Variants in DNAH5 observed in about 807,000 individuals in gnomAD.
DNAH5 encodes the protein axonemal beta dynein heavy chain 5.
Under a neutral mutation model 518.2 loss-of-function variants are expected in DNAH5, and 372 were observed. The observed-to-expected ratio is 0.72, with a 90% CI of 0.66 to 0.78. The LOEUF (loss-of-function observed/expected upper bound fraction) is 0.78. DNAH5 is among the 30% of genes least tolerant of loss of function. The pLI, the probability that DNAH5 is intolerant of heterozygous loss-of-function variation, is 0.00. For missense variants in DNAH5, 5,523 were observed against 5,687.0 expected (o/e 0.97, Z 0.93); for synonymous variants, 2,039 against 2,025.9 (o/e 1.01, Z -0.17).
chr5:13,976,183 T>C (rs1472199130), intron 1 of DNAH5, among the ~76,000 whole-genome samples: 1 of 152,120 alleles, frequency 6.6e-6, no homozygotes, highest in Non-Finnish European at 1.5e-5. Flanking sequence ...AAATAATTCT[T>C]TGTGCAAGAA....
chr5:13,719,620 T>G (rs541194374), intron 71 of DNAH5, among the ~76,000 whole-genome samples: 1 of 152,318 alleles, frequency 6.6e-6, no homozygotes, highest in African/African-American at 2.4e-5. Context: ...TCTGCCTGCC[T>G]TAATGAAAAA....
intron 53 of DNAH5, 102 bp downstream of exon 53, chr5:13,780,727 G>T: frequency 7.6e-7 from 1 of 1,307,502 alleles, no homozygotes; most frequent in Non-Finnish European, 1.1e-6. Context: ...GAAAATGACT[G>T]TGACTCTTTA....
At chr5:13,715,617 T>C (rs1561098891) in intron 74 of DNAH5, among the ~76,000 whole-genome samples, 1 of 152,210 alleles carries the variant, frequency 6.6e-6, no homozygotes, top group East Asian at 1.9e-4. Flanking sequence ...TTTTAGTTTG[T>C]TTACTCTGAG....
chr5:13,926,673 T>G (rs947280932), intron 3 of DNAH5, among the ~76,000 whole-genome samples: 2 of 137,380 alleles, frequency 1.5e-5, no homozygotes, highest in African/African-American at 5.5e-5. Context: ...CAGGATTGCT[T>G]GCATTCTAAT....
intron 1 of DNAH5, among the ~76,000 whole-genome samples, chr5:13,936,052 G>A (rs1778895255): frequency 6.6e-6 from 1 of 152,208 alleles, no homozygotes; most frequent in African/African-American, 2.4e-5. Context: ...TAGAATGGGA[G>A]AGTGGCTAAT....
At chr5:13,771,983 G>C (rs1313672890) in intron 55 of DNAH5, among the ~76,000 whole-genome samples, 2 of 152,116 alleles carry the variant, frequency 1.3e-5, no homozygotes, top group Admixed American at 6.5e-5. Flanking sequence ...GTAAATAATA[G>C]AGACAATTCA....
At chr5:13,781,033 T>G (rs895321528) in intron 52 of DNAH5, 74 bp from the exon 53 acceptor site, 2 of 1,513,182 alleles carry the variant, frequency 1.3e-6, no homozygotes, top group Non-Finnish European at 1.8e-6. Flanking sequence ...ATTCAATATA[T>G]GAATAAGGCC....
At chr5:13,735,443 A>C in intron 67 of DNAH5, 122 bp from the exon 68 acceptor site, 1 of 896,824 alleles carries the variant, frequency 1.1e-6, no homozygotes, top group South Asian at 1.5e-5. Flanking sequence ...TTACACATCA[A>C]GAGAAAGCCT....
Position 13,714,389 on chromosome 5 carries a change from G to A in DNAH5, c.13125+16C>T. ...GCAACCCCAGCTGACATTTTGTCAG[G>A]ATTTCATCAACTCACTTCAAAGGGG... is the stretch of plus-strand genomic sequence containing the variant. On this transcript the variant is annotated intron_variant, in intron 75 of 78. Transcript: ENST00000265104. 1 of 1,613,478 alleles carries A rather than the reference G, an allele frequency of 6.2e-7. No individual in the cohort carries two copies. Among genetic ancestry groups the A allele is most frequent in the South Asian group, 1.1e-5 (1 of 91,072 alleles).
chr5:13,872,860 C>T (rs1010158121), intron 22 of DNAH5, among the ~76,000 whole-genome samples: 4 of 151,972 alleles, frequency 2.6e-5, no homozygotes, highest in Admixed American at 2.6e-4. Flanking sequence ...AATATCTTTG[C>T]ATATGGTTCT....
chr5:13,964,825 C>T (rs1781424636), intron 1 of DNAH5, among the ~76,000 whole-genome samples: 1 of 152,190 alleles, frequency 6.6e-6, no homozygotes, highest in African/African-American at 2.4e-5. Flanking sequence ...GAAAATAGTG[C>T]CAATATTGTG....
intron 41 of DNAH5, among the ~76,000 whole-genome samples, chr5:13,818,435 G>T (rs1384179673): frequency 6.6e-6 from 1 of 152,188 alleles, no homozygotes; most frequent in East Asian, 1.9e-4. Flanking sequence ...CGTCTCTGCT[G>T]AAAATACAAA....
At chr5:13,880,043 G>A (rs1029175320) in intron 21 of DNAH5, among the ~76,000 whole-genome samples, 3 of 152,088 alleles carry the variant, frequency 2.0e-5, no homozygotes, top group Non-Finnish European at 4.4e-5. Flanking sequence ...AAAGAGTGTT[G>A]AAAGTAGCAA....
intron 42 of DNAH5, among the ~76,000 whole-genome samples, chr5:13,816,084 C>T (rs1045840295): frequency 5.9e-5 from 9 of 152,106 alleles, no homozygotes; most frequent in African/African-American, 1.7e-4. Context: ...AGAAGGCAGG[C>T]GATCAACTGT....
At chr5:13,765,209 T>TC (rs1433612373) in intron 59 of DNAH5, among the ~76,000 whole-genome samples, 3 of 152,154 alleles carry the variant, frequency 2.0e-5, no homozygotes, top group Non-Finnish European at 4.4e-5. Flanking sequence ...GCTTTTTTTT[T>TC]CTTTTTTTTG....
rs548938060 is a variant in DNAH5 at position 13,940,072 on chromosome 5, C to T, written c.57+4310G>A. On this transcript the variant is annotated intron_variant, in intron 1 of 78. Transcript: ENST00000265104. Reference sequence around the variant, plus strand: ...TTACTCACTCCCTTACCTATCATTCCTTCCAGGCAAATAAAGAACTCTCTC... The same window carrying T: ...TTACTCACTCCCTTACCTATCATTCTTTCCAGGCAAATAAAGAACTCTCTC... Among the ~76,000 whole-genome samples, 74 of 152,248 alleles carry T rather than the reference C, an allele frequency of 4.9e-4. 2 individuals are homozygous for T. In the South Asian group the frequency reaches 0.014, roughly 29 times the overall value.
intron 61 of DNAH5, among the ~76,000 whole-genome samples, chr5:13,756,950 T>C (rs947329702): frequency 6.6e-6 from 1 of 152,200 alleles, no homozygotes; most frequent in African/African-American, 2.4e-5. Context: ...AGTGAAAACA[T>C]GTGGCATTTG....
chr5:13,850,846 G>A, intron 30 of DNAH5, 31 bp from the exon 31 acceptor site: 1 of 1,610,206 alleles, frequency 6.2e-7, no homozygotes. Flanking sequence ...AGCACACTTA[G>A]ATTTGGACAC....
At chr5:13,741,614 G>A (rs1034037460) in intron 65 of DNAH5, among the ~76,000 whole-genome samples, 5 of 152,050 alleles carry the variant, frequency 3.3e-5, no homozygotes, top group Admixed American at 6.6e-5. Context: ...CTCACATTAC[G>A]GTTGTACTAG....
Sources: allele counts gnomAD v4.1 joint callset (sites outside exome capture counted in the v4.1 genomes callset), GRCh38; gene constraint gnomAD v4.1.1; transcripts MANE v1.5; gene names NCBI Gene and HGNC (gene_info 2026-07-23, HGNC 2026-07-21).